The following ENOX1 variants were observed in gnomAD, a reference collection of about 807,000 sequenced individuals.
ENOX1 encodes the protein candidate growth-related and time keeping constitutive hydroquinone (NADH) oxidase.
In ENOX1, 42 loss-of-function variants were observed where a neutral mutation model predicts 82.5. The observed-to-expected ratio is 0.51, with a 90% confidence interval of 0.40 to 0.66. The LOEUF (loss-of-function observed/expected upper bound fraction) is 0.66, where lower values mean the gene tolerates loss of function less well. Among genes scored for constraint, ENOX1 ranks in the 30% least tolerant of loss-of-function variants. ENOX1 has a pLI of 0.00. For synonymous variants in ENOX1, 271 were observed against 282.2 expected (o/e 0.96, Z 0.40); for missense variants, 608 against 811.6 (o/e 0.75, Z 3.05).
At chr13:43,452,005 G>A (rs1271686738) in intron 3 of ENOX1, among the ~76,000 whole-genome samples, 1 of 152,206 alleles carries the variant, frequency 6.6e-6, no homozygotes, top group African/African-American at 2.4e-5. Context: ...GGCCTCATTG[G>A]AAAGGTGACA....
chr13:43,743,496 G>C (rs947247441), intron 1 of ENOX1, among the ~76,000 whole-genome samples: 10 of 152,142 alleles, frequency 6.6e-5, no homozygotes, highest in African/African-American at 2.4e-4. Context: ...GGGTTCTCAG[G>C]TATAAATCCT....
intron 5 of ENOX1, among the ~76,000 whole-genome samples, chr13:43,367,502 G>T (rs1256980622): frequency 6.6e-6 from 1 of 152,096 alleles, no homozygotes; most frequent in Non-Finnish European, 1.5e-5. Flanking sequence ...TGACTGGAGA[G>T]ATGCACCTGC....
intron 11 of ENOX1, among the ~76,000 whole-genome samples, chr13:43,308,613 C>T (rs2047003252): frequency 6.6e-6 from 1 of 152,230 alleles, no homozygotes; most frequent in Admixed American, 6.5e-5. Flanking sequence ...CACTATATGA[C>T]AGCCATCATC....
At chr13:43,353,360 A>G (rs12858539) in intron 8 of ENOX1, among the ~76,000 whole-genome samples, 1 of 152,246 alleles carries the variant, frequency 6.6e-6, no homozygotes, top group African/African-American at 2.4e-5. Context: ...GTAAGAATAA[A>G]CAAGTATGAT....
At chr13:43,513,008 A>G (rs756752689) in intron 2 of ENOX1, among the ~76,000 whole-genome samples, 29 of 152,028 alleles carry the variant, frequency 1.9e-4, no homozygotes, top group South Asian at 1.5e-3. Flanking sequence ...CAGTTAAAGG[A>G]ATAATAATCA....
At chr13:43,233,436 T>A (rs967147458) in intron 15 of ENOX1, among the ~76,000 whole-genome samples, 2 of 152,216 alleles carry the variant, frequency 1.3e-5, no homozygotes, top group Admixed American at 6.5e-5. Context: ...GGATCCTCTC[T>A]AATAAATATC....
At chr13:43,414,300 T>C (rs529560657) in intron 3 of ENOX1, among the ~76,000 whole-genome samples, 136 of 152,252 alleles carry the variant, frequency 8.9e-4, no homozygotes, top group South Asian at 3.3e-3. Flanking sequence ...GTATGTAAGA[T>C]AGTGTGGAAT....
intron 16 of ENOX1, among the ~76,000 whole-genome samples, chr13:43,215,432 G>C (rs747684237): frequency 4.6e-5 from 7 of 152,216 alleles, no homozygotes; most frequent in Non-Finnish European, 1.0e-4. Context: ...AAGCCTATGA[G>C]ACAGATTATG....
chr13:43,503,164 T>C (rs2077040342), intron 2 of ENOX1, among the ~76,000 whole-genome samples: 1 of 151,078 alleles, frequency 6.6e-6, no homozygotes, highest in Non-Finnish European at 1.5e-5. Context: ...ACCAAGGAGG[T>C]GAAAGACTTG....
intron 3 of ENOX1, among the ~76,000 whole-genome samples, chr13:43,443,729 G>A (rs2056481776): frequency 6.6e-6 from 1 of 152,174 alleles, no homozygotes; most frequent in Non-Finnish European, 1.5e-5. Flanking sequence ...CTGCATGTAG[G>A]GAGAGTGGAA....
intron 2 of ENOX1, among the ~76,000 whole-genome samples, chr13:43,641,529 A>AT (rs769737189): frequency 0.017 from 1,431 of 82,958 alleles, 172 homozygotes; most frequent in African/African-American, 0.065. Context: ...TTAATTTTTA[A>AT]TTTTTTTTTT....
chr13:43,494,432 A>G (rs2076725540), intron 2 of ENOX1, among the ~76,000 whole-genome samples: 1 of 152,210 alleles, frequency 6.6e-6, no homozygotes, highest in Admixed American at 6.5e-5. Context: ...CTTGTTAAAC[A>G]AATGAGTCAA....
At chr13:43,515,126 A>G (rs2077511861) in intron 2 of ENOX1, among the ~76,000 whole-genome samples, 1 of 152,170 alleles carries the variant, frequency 6.6e-6, no homozygotes, top group South Asian at 2.1e-4. Flanking sequence ...CAACCAGTAC[A>G]CGGCAGAGGT....
At chr13:43,506,772 T>C (rs2077184309) in intron 2 of ENOX1, among the ~76,000 whole-genome samples, 1 of 139,602 alleles carries the variant, frequency 7.2e-6, no homozygotes, top group African/African-American at 2.7e-5. Flanking sequence ...CACTCATAGG[T>C]GGGAATTGAA....
intron 2 of ENOX1, among the ~76,000 whole-genome samples, chr13:43,551,637 C>A (rs917159280): frequency 3.9e-5 from 6 of 152,094 alleles, no homozygotes; most frequent in Non-Finnish European, 8.8e-5. Flanking sequence ...TTTGATAATA[C>A]GATGACTGAA....
chr13:43,535,299 A>G (rs1396983947), intron 2 of ENOX1, among the ~76,000 whole-genome samples: 1 of 152,208 alleles, frequency 6.6e-6, no homozygotes, highest in East Asian at 1.9e-4. Context: ...AAGAATAAAG[A>G]CTTAGAACCT....
At chr13:43,227,767 T>C (rs1401301698) in intron 15 of ENOX1, among the ~76,000 whole-genome samples, 1 of 152,106 alleles carries the variant, frequency 6.6e-6, no homozygotes, top group African/African-American at 2.4e-5. Flanking sequence ...AGCCATTAGC[T>C]TTTCCTTATA....
At chr13:43,513,533 A>G (rs1189235732) in intron 2 of ENOX1, among the ~76,000 whole-genome samples, 1 of 152,188 alleles carries the variant, frequency 6.6e-6, no homozygotes, top group Non-Finnish European at 1.5e-5. Flanking sequence ...GTAATAATAC[A>G]CAATAAAACT....
chr13:43,648,563 A>G (rs965346557), intron 2 of ENOX1, among the ~76,000 whole-genome samples: 1 of 152,216 alleles, frequency 6.6e-6, no homozygotes, highest in Non-Finnish European at 1.5e-5. Context: ...CAGCTAAGCA[A>G]AGGTCCAAGA....
Sources: gnomAD v4.1 joint callset for allele counts (sites outside exome capture counted in the v4.1 genomes callset) on GRCh38, gnomAD v4.1.1 for gene constraint, MANE v1.5 for transcripts, NCBI Gene and HGNC (gene_info 2026-07-23, HGNC 2026-07-21) for gene names.